INO80C: variants seen among roughly 807,000 people sequenced by gnomAD.
INO80C encodes the protein IES6 homolog.
Under a neutral mutation model 17.7 loss-of-function variants are expected in INO80C, and 17 were observed. That is an observed-to-expected ratio of 0.96 (90% CI 0.66 to 1.44). The LOEUF is 1.44. Among genes scored for constraint, INO80C ranks in the 40% most tolerant of loss-of-function variants. The pLI is 0.00. For missense variants in INO80C, 244 were observed against 245.0 expected, an observed-to-expected ratio of 1.00 and a Z score of 0.03; for synonymous variants, 96 against 95.8, an observed-to-expected ratio of 1.00 and a Z score of -0.01.
chr18:35,481,951 T>C (rs925144130), intron 1 of INO80C, among the ~76,000 whole-genome samples: 1 of 152,184 alleles, frequency 6.6e-6, no homozygotes, highest in African/African-American at 2.4e-5. Flanking sequence ...TTTCAGTGTA[T>C]TTGCACACTA....
rs545708659 is a variant in INO80C, at chr18:35,484,120, T to C, written c.157-3557A>G. Among the ~76,000 whole-genome samples the C allele has an allele frequency of 5.9e-5, 9 of 152,310 alleles. 1 individual carries two copies. The highest frequency in any genetic ancestry group is 2.2e-4 in the African/African-American group (9 of 41,566). ...CAAGGTTAAAGGCCAAAAAGAACCA[T>C]ACATAGTTGGTAAGTTTGTTTCTCA... On this transcript the variant is annotated intron_variant, in intron 1 of 4. Transcript: ENST00000334598.
chr18:35,480,599 T>C, intron 1 of INO80C, 36 bp from the exon 2 acceptor site: 1 of 1,501,570 alleles, frequency 6.7e-7, no homozygotes, highest in Non-Finnish European at 9.3e-7. Context: ...AAGAAGTCAG[T>C]TTCTTTCAGC....
At chr18:35,492,146 A>G (rs998921932) in intron 1 of INO80C, among the ~76,000 whole-genome samples, 2 of 152,256 alleles carry the variant, frequency 1.3e-5, no homozygotes, top group African/African-American at 4.8e-5. Flanking sequence ...TTATTACTGA[A>G]AAGTCAAATG....
In INO80C at chr18:35,497,817, T is replaced by C; in HGVS notation, c.58A>G (p.Ser20Gly). The C allele has an allele frequency of 6.2e-7, 1 of 1,611,512 alleles. No homozygotes were observed. The highest frequency in any genetic ancestry group is 1.7e-5 in the Admixed American group (1 of 59,798). The change falls in exon 1 of 5, where the codon AGC becomes GGC. Residue 20 changes from serine to glycine, a missense_variant. Ser to Gly is a moderately conservative substitution (Grantham distance 56). Transcript: ENST00000334598. ...GAAGGGCTGGCCGGCCTCTTCTTGCTGTTCCGGACTATTCCGGGAGTGGAA... is the reference window on the plus strand; with the variant it reads ...GAAGGGCTGGCCGGCCTCTTCTTGCCGTTCCGGACTATTCCGGGAGTGGAA... ...TTSTPGIVRN[S>G]KKRPASPSHN... is the part of the protein sequence containing the mutation.
chr18:35,477,617 C>G (rs1389338812), intron 4 of INO80C, among the ~76,000 whole-genome samples: 4 of 152,148 alleles, frequency 2.6e-5, no homozygotes, highest in Non-Finnish European at 4.4e-5. Flanking sequence ...AAAGATGAAT[C>G]TTAGGTTCCA....
rs1484511989 is a variant in INO80C at position 35,494,382 on chromosome 18, T to TA, written c.156+3336dup. On this transcript the variant is annotated intron_variant, in intron 1 of 4. Transcript: ENST00000334598. ...TTAAGGTCTCAAATCAGCTGACTTT[T>TA]AAAAAAGGTGATTATCCAAGTAGGC... Among the ~76,000 whole-genome samples, 4 of 152,290 alleles carry TA rather than the reference T, an allele frequency of 2.6e-5. No homozygotes were observed. The South Asian group carries it at 8.3e-4, about 32-fold the overall frequency.
chr18:35,468,877 C>T (rs2045636128), intron 4 of INO80C, 135 bp from the exon 5 acceptor site: 1 of 759,026 alleles, frequency 1.3e-6, no homozygotes, highest in African/African-American at 1.8e-5. Context: ...CCACCAAGAA[C>T]ACTAAATCAC....
intron 4 of INO80C, among the ~76,000 whole-genome samples, chr18:35,472,431 C>T (rs923165978): frequency 4.6e-5 from 7 of 152,244 alleles, no homozygotes; most frequent in African/African-American, 1.7e-4. Flanking sequence ...ATATCCTTTG[C>T]CCGCTTTTTG....
At chr18:35,482,347 A>C (rs2045820114) in intron 1 of INO80C, among the ~76,000 whole-genome samples, 1 of 152,236 alleles carries the variant, frequency 6.6e-6, no homozygotes, top group Admixed American at 6.5e-5. Flanking sequence ...CAACTTACTT[A>C]GTAAGTGAAA....
rs541826127 is a variant in INO80C, at chr18:35,478,174, A to T, written c.447+108T>A. 7.2e-6 allele frequency: 6 copies of T among 837,844 alleles called. No individual in the cohort carries two copies. In the East Asian group the frequency reaches 1.6e-4, roughly 22 times the overall value. 51.9% of individuals were successfully genotyped at this position (837,844 alleles called of 1,614,324 possible). A position where few individuals can be genotyped will look rare whatever the true frequency, so the allele number is the denominator to read the frequency against. On this transcript the variant is annotated intron_variant, in intron 4 of 4. Transcript: ENST00000334598. ...ACAAACCTATCACCTATCACTGTAG[A>T]CAGGCTCCAGGCAGGACCAGCCATG...
In INO80C at chr18:35,497,904, A is replaced by C; in HGVS notation, c.-30T>G. ...CTCCGAGTCTTCCCCTGGTCCCCCCACCTTTTTCCCAGCGCGGGCCTTGGA... is the reference window on the plus strand; with the variant it reads ...CTCCGAGTCTTCCCCTGGTCCCCCCCCCTTTTTCCCAGCGCGGGCCTTGGA... On this transcript the variant is annotated 5_prime_UTR_variant, in exon 1 of 5. Transcript: ENST00000334598. The C allele has an allele frequency of 6.7e-7, 1 of 1,500,234 alleles. No individual in the cohort carries two copies. Among genetic ancestry groups the C allele is most frequent in the Non-Finnish European group, 8.9e-7 (1 of 1,123,802 alleles). The allele number at this position is 1,500,234 out of a possible 1,614,324, so 92.9% of individuals were successfully genotyped here. A position where few individuals can be genotyped will look rare whatever the true frequency, so the allele number is the denominator to read the frequency against.
At position 35,468,712 on chromosome 18, in the gene INO80C, G is replaced by A. The variant is rs375671041; in HGVS notation, c.478C>T (p.Arg160Trp). Residue 160 changes from arginine to tryptophan, a missense_variant, in exon 5 of 5, where the codon CGG (arginine) becomes TGG (tryptophan). Coordinates refer to ENST00000334598, the MANE Select transcript of INO80C (RefSeq NM_194281.4). Reference protein sequence around the residue: ...ANYTDPQSKLRFSTIEEFSYI... With the variant: ...ANYTDPQSKLWFSTIEEFSYI... ...GAAAACTCTTCAATGGTGCTGAACC[G>A]CAGTTTGCTCTGGGGGTCTGTGTAG... 4.7e-5 allele frequency: 76 copies of A among 1,614,056 alleles called. No individual in the cohort carries two copies. Among genetic ancestry groups the A allele is most frequent in the Non-Finnish European group, 5.9e-5 (70 of 1,180,014 alleles).
chr18:35,478,216 T>C, intron 4 of INO80C, 66 bp downstream of exon 4: 1 of 1,205,926 alleles, frequency 8.3e-7, no homozygotes, highest in Admixed American at 2.0e-5. Context: ...ATTCAACACT[T>C]GTCTAATTAG....
chr18:35,493,150 T>C (rs1484269002), intron 1 of INO80C, among the ~76,000 whole-genome samples: 3 of 152,234 alleles, frequency 2.0e-5, no homozygotes, highest in Admixed American at 2.0e-4. Context: ...AATGAAGTGA[T>C]CAATTCACAG....
At chr18:35,486,630 T>C (rs1203984267) in intron 1 of INO80C, among the ~76,000 whole-genome samples, 1 of 151,926 alleles carries the variant, frequency 6.6e-6, no homozygotes, top group Non-Finnish European at 1.5e-5. Flanking sequence ...TAAATACTGA[T>C]TTTAAAAAAT....
At chr18:35,482,927 G>A (rs567048149) in intron 1 of INO80C, among the ~76,000 whole-genome samples, 7 of 152,268 alleles carry the variant, frequency 4.6e-5, no homozygotes, top group Admixed American at 2.0e-4. Context: ...ATGATGCTCC[G>A]CTACTTAAAT....
chr18:35,481,695 C>T (rs925323163), intron 1 of INO80C, among the ~76,000 whole-genome samples: 1 of 152,048 alleles, frequency 6.6e-6, no homozygotes, highest in East Asian at 1.9e-4. Flanking sequence ...ACCAGCCTGG[C>T]CAACATGGTG....
chr18:35,494,862 G>A (rs371396431), intron 1 of INO80C, among the ~76,000 whole-genome samples: 13 of 152,302 alleles, frequency 8.5e-5, no homozygotes, highest in African/African-American at 2.4e-4. Context: ...ATGTATATAC[G>A]TCATTCTCTC....
intron 1 of INO80C, among the ~76,000 whole-genome samples, chr18:35,495,929 G>A (rs906310102): frequency 1.3e-5 from 2 of 152,072 alleles, no homozygotes; most frequent in African/African-American, 2.4e-5. Context: ...AGCCATCAGA[G>A]AAACAAATTA....
Sources: gnomAD v4.1 joint callset for allele counts (sites outside exome capture counted in the v4.1 genomes callset) on GRCh38, gnomAD v4.1.1 for gene constraint, MANE v1.5 for transcripts, NCBI Gene and HGNC (gene_info 2026-07-23, HGNC 2026-07-21) for gene names.